The following CNTNAP5 variants were observed in gnomAD, a reference collection of about 807,000 sequenced individuals.
CNTNAP5 encodes contactin-associated protein-like 5.
CNTNAP5 carries 72 observed loss-of-function variants against 150.2 expected under a neutral mutation model. The observed-to-expected ratio is 0.48, with a 90% CI of 0.40 to 0.58. The LOEUF is 0.58. CNTNAP5 is among the 20% of genes least tolerant of loss of function. The pLI is 0.00. For synonymous variants in CNTNAP5, 672 were observed against 619.8 expected, an observed-to-expected ratio of 1.08 and a Z score of -1.25; for missense variants, 1,636 against 1,626.2, an observed-to-expected ratio of 1.01 and a Z score of -0.10.
At chr2:124,124,511 T>A (rs1220997314) in intron 1 of CNTNAP5, among the ~76,000 whole-genome samples, 4 of 152,154 alleles carry the variant, frequency 2.6e-5, no homozygotes, top group Admixed American at 2.6e-4. Context: ...CCTGGAGAAC[T>A]TCCCCAATCT....
chr2:124,795,106 C>A (rs1054412297), intron 18 of CNTNAP5, among the ~76,000 whole-genome samples: 1 of 152,020 alleles, frequency 6.6e-6, no homozygotes, highest in Non-Finnish European at 1.5e-5. Flanking sequence ...TTATTAAAAC[C>A]AGCTACTGTT....
intron 11 of CNTNAP5, among the ~76,000 whole-genome samples, chr2:124,573,829 C>A (rs913882032): frequency 5.3e-5 from 8 of 152,150 alleles, no homozygotes; most frequent in South Asian, 2.1e-4. Context: ...TATTTAACTT[C>A]TTTCAGCCTT....
intron 12 of CNTNAP5, among the ~76,000 whole-genome samples, chr2:124,626,855 CACT>C (rs950657064): frequency 3.0e-4 from 45 of 152,110 alleles, no homozygotes; most frequent in African/African-American, 1.0e-3. Context: ...GGCCTGGGAC[CACT>C]GAGTTCCCGG....
At chr2:124,899,322 A>T (rs1157978480) in intron 21 of CNTNAP5, among the ~76,000 whole-genome samples, 1 of 151,502 alleles carries the variant, frequency 6.6e-6, no homozygotes, top group African/African-American at 2.4e-5. Flanking sequence ...CAGATATCAT[A>T]TGGGCAAGTT....
intron 19 of CNTNAP5, among the ~76,000 whole-genome samples, chr2:124,845,295 T>C (rs555534367): frequency 3.3e-5 from 5 of 152,248 alleles, no homozygotes; most frequent in African/African-American, 1.2e-4. Flanking sequence ...TTGACTTATG[T>C]CTGTTAAACC....
rs763040729 is a variant in CNTNAP5 at position 124,914,255 on chromosome 2, AGTGAGCGAGT to A, written c.3894_3903del (p.Ser1299AsnfsTer32). 1 of 1,612,142 alleles carries A rather than the reference AGTGAGCGAGT, an allele frequency of 6.2e-7. No individual in the cohort carries two copies. Among genetic ancestry groups the A allele is most frequent in the Non-Finnish European group, 8.5e-7 (1 of 1,178,814 alleles). ...GAAATGAAATTGACTTGCAAAACAC[AGTGAGCGAGT>A]GTAAACGGGAATATTTCATCTGAGA... On this transcript the variant is annotated frameshift_variant, in exon 24 of 24. Coordinates refer to ENST00000682447, the MANE Select transcript of CNTNAP5 (RefSeq NM_001367498.1). LOFTEE classifies it high-confidence loss of function.
chr2:124,283,147 A>G (rs535726934), intron 3 of CNTNAP5, among the ~76,000 whole-genome samples: 8 of 152,188 alleles, frequency 5.3e-5, no homozygotes, highest in Non-Finnish European at 8.8e-5. Flanking sequence ...TGGAGTCAGT[A>G]GTCCTGCCAG....
At chr2:124,298,988 A>G (rs1389901019) in intron 3 of CNTNAP5, among the ~76,000 whole-genome samples, 1 of 152,126 alleles carries the variant, frequency 6.6e-6, no homozygotes, top group African/African-American at 2.4e-5. Context: ...AACATGGGGG[A>G]TCCTTGTCAC....
At chr2:124,579,176 G>A (rs150388921) in intron 11 of CNTNAP5, among the ~76,000 whole-genome samples, 9 of 152,170 alleles carry the variant, frequency 5.9e-5, no homozygotes, top group East Asian at 1.9e-4. Flanking sequence ...GGAGGTCTTC[G>A]CTCTTCTAGA....
intron 1 of CNTNAP5, among the ~76,000 whole-genome samples, chr2:124,030,650 T>C (rs982712313): frequency 6.6e-6 from 1 of 151,546 alleles, no homozygotes; most frequent in African/African-American, 2.4e-5. Context: ...CAGAGTCACA[T>C]CTAAAAGAAA....
intron 10 of CNTNAP5, among the ~76,000 whole-genome samples, chr2:124,559,788 T>A (rs1352410955): frequency 6.6e-6 from 1 of 152,212 alleles, no homozygotes; most frequent in African/African-American, 2.4e-5. Flanking sequence ...CCCTTTTAAA[T>A]AAGAAAATTG....
At chr2:124,693,272 G>A (rs1175886753) in intron 13 of CNTNAP5, among the ~76,000 whole-genome samples, 2 of 152,072 alleles carry the variant, frequency 1.3e-5, no homozygotes, top group Non-Finnish European at 2.9e-5. Context: ...TAATCAAAAT[G>A]TATTCTTTGA....
chr2:124,358,172 G>A lies in CNTNAP5; in HGVS notation c.382-59271G>A, dbSNP rs935216856. On this transcript the variant is annotated intron_variant, in intron 3 of 23. Transcript: ENST00000682447. Reference sequence around the variant, plus strand: ...TGATTTTGTATCGTGAGACTCTGCTGAAGTTACTTATCAGCTTAAGGAGAT... The same window carrying A: ...TGATTTTGTATCGTGAGACTCTGCTAAAGTTACTTATCAGCTTAAGGAGAT... 8.5e-5 allele frequency among the ~76,000 whole-genome samples: 13 copies of A among 152,304 alleles called. 1 individual carries two copies. The highest frequency in any genetic ancestry group is 3.1e-4 in the African/African-American group (13 of 41,572).
chr2:124,379,642 T>G (rs1048041377), intron 3 of CNTNAP5, among the ~76,000 whole-genome samples: 3 of 152,078 alleles, frequency 2.0e-5, no homozygotes, highest in Non-Finnish European at 4.4e-5. Flanking sequence ...TGTGTGGACA[T>G]GAGTTTTCCA....
intron 19 of CNTNAP5, among the ~76,000 whole-genome samples, chr2:124,817,874 G>A (rs1463252882): frequency 6.6e-6 from 1 of 152,132 alleles, no homozygotes; most frequent in Non-Finnish European, 1.5e-5. Flanking sequence ...ATAAAAAGGA[G>A]GTGCATTGCA....
At chr2:124,726,970 T>A (rs1156429653) in intron 13 of CNTNAP5, among the ~76,000 whole-genome samples, 1 of 152,120 alleles carries the variant, frequency 6.6e-6, no homozygotes, top group Non-Finnish European at 1.5e-5. Context: ...CAGGTACAGG[T>A]CTTTTGTTTA....
chr2:124,538,091 G>T (rs765859611), intron 10 of CNTNAP5, among the ~76,000 whole-genome samples: 5 of 152,162 alleles, frequency 3.3e-5, no homozygotes, highest in South Asian at 2.1e-4. Context: ...GTATTTTTGC[G>T]ATTGAGGTAC....
chr2:124,537,037 T>TGTGTGAGAGAGA (rs763560577), intron 10 of CNTNAP5, among the ~76,000 whole-genome samples: 81 of 150,638 alleles, frequency 5.4e-4, no homozygotes, highest in African/African-American at 1.9e-3. Context: ...TGTGTGTGTG[T>TGTGTGAGAGAGA]GAGAGAGAGA....
chr2:124,172,110 A>G (rs1305673110), intron 1 of CNTNAP5, among the ~76,000 whole-genome samples: 1 of 152,212 alleles, frequency 6.6e-6, no homozygotes, highest in African/African-American at 2.4e-5. Context: ...ATGTAGAGAA[A>G]GGCTGCATTT....
Sources: gnomAD v4.1 joint callset for allele counts (sites outside exome capture counted in the v4.1 genomes callset) on GRCh38, gnomAD v4.1.1 for gene constraint, MANE v1.5 for transcripts, NCBI Gene and HGNC (gene_info 2026-07-23, HGNC 2026-07-21) for gene names.